The following GTF2F2 variants were observed in gnomAD, a reference collection of about 807,000 sequenced individuals.
The protein encoded by GTF2F2 is ATP-dependent helicase GTF2F2.
In GTF2F2, 23 loss-of-function variants were observed where a neutral mutation model predicts 42.2. The ratio of observed to expected loss-of-function variants is 0.55; its 90% CI spans 0.39 to 0.77. The LOEUF (loss-of-function observed/expected upper bound fraction) is 0.77. Ranked by LOEUF, GTF2F2 falls within the 30% of genes least tolerant of loss-of-function variation. The probability of loss-of-function intolerance (pLI) is 0.00; values close to 1 mark genes in which losing one functional copy is unlikely to be tolerated. For missense variants in GTF2F2, 261 were observed against 287.2 expected, an observed-to-expected ratio of 0.91 and a Z score of 0.66; for synonymous variants, 105 against 100.8, an observed-to-expected ratio of 1.04 and a Z score of -0.25.
intron 6 of GTF2F2, among the ~76,000 whole-genome samples, chr13:45,264,803 T>C (rs558076266): frequency 2.6e-5 from 4 of 152,316 alleles, no homozygotes; most frequent in African/African-American, 9.6e-5. Context: ...CCAACTAGAA[T>C]GTGCGCCCTC....
intron 5 of GTF2F2, among the ~76,000 whole-genome samples, chr13:45,228,256 A>G (rs965078869): frequency 9.4e-6 from 1 of 106,110 alleles, no homozygotes; most frequent in Non-Finnish European, 1.9e-5. Flanking sequence ...ATCCTGCCTC[A>G]TTTTCCTTAT....
chr13:45,215,886 A>T (rs761030425), intron 5 of GTF2F2, among the ~76,000 whole-genome samples: 12 of 152,164 alleles, frequency 7.9e-5, no homozygotes, highest in Non-Finnish European at 1.5e-4. Context: ...TGAGCTGTAG[A>T]CTGCCCCTGA....
intron 1 of GTF2F2, among the ~76,000 whole-genome samples, chr13:45,122,041 A>C (rs1295842924): frequency 6.6e-6 from 1 of 152,190 alleles, no homozygotes; most frequent in Non-Finnish European, 1.5e-5. Context: ...GACACAGTGT[A>C]TACCATGGGG....
At chr13:45,269,431 AG>A (rs959206481) in intron 7 of GTF2F2, among the ~76,000 whole-genome samples, 1 of 152,142 alleles carries the variant, frequency 6.6e-6, no homozygotes, top group African/African-American at 2.4e-5. Flanking sequence ...CCTAGAGGAG[AG>A]GGCAGGAAGT....
intron 6 of GTF2F2, 106 bp downstream of exon 6, chr13:45,253,076 C>G: frequency 3.8e-6 from 2 of 522,262 alleles, no homozygotes; most frequent in Non-Finnish European, 6.8e-6. Context: ...ACCTTGCCAT[C>G]AGGTGCTTGA....
At chr13:45,206,537 C>T (rs1379680292) in intron 4 of GTF2F2, 4 of 152,160 alleles carry the variant, frequency 2.6e-5, no homozygotes, top group African/African-American at 7.2e-5. Flanking sequence ...TGAGTCTTTT[C>T]TTAAAACCCA....
Position 45,173,612 on chromosome 13 carries a change from A to ATT in GTF2F2, c.304+21803_304+21804dup, listed in dbSNP as rs56033747. ...TGTTCTGCATTTTTATAACTTTGTC[A>ATT]TTTTTTTTTTTTTTTTTTTTTTTGA... is the stretch of plus-strand genomic sequence containing the variant. On this transcript the variant is annotated intron_variant, in intron 4 of 7. Coordinates refer to ENST00000340473, the MANE Select transcript of GTF2F2 (RefSeq NM_004128.3). Among the ~76,000 whole-genome samples the ATT allele has an allele frequency of 5.8e-3, 545 of 93,672 alleles. 2 individuals are homozygous for ATT. Among genetic ancestry groups the ATT allele is most frequent in the Non-Finnish European group, 8.5e-3 (428 of 50,098 alleles). 61.5% of individuals were successfully genotyped at this position (93,672 alleles called of 152,430 possible).
chr13:45,183,808 A>G (rs1482415321), intron 4 of GTF2F2, among the ~76,000 whole-genome samples: 1 of 151,942 alleles, frequency 6.6e-6, no homozygotes, highest in Non-Finnish European at 1.5e-5. Flanking sequence ...CATTTTTATG[A>G]TCTCCTGTGT....
chr13:45,144,064 C>T (rs1440334526), intron 2 of GTF2F2, among the ~76,000 whole-genome samples: 1 of 151,904 alleles, frequency 6.6e-6, no homozygotes, highest in African/African-American at 2.4e-5. Flanking sequence ...CCAGCCTGGC[C>T]AACGTGGTGA....
chr13:45,171,876 T>C (rs1197237826), intron 4 of GTF2F2, among the ~76,000 whole-genome samples: 1 of 152,090 alleles, frequency 6.6e-6, no homozygotes, highest in Non-Finnish European at 1.5e-5. Flanking sequence ...CTTTTTTTTT[T>C]TTTTTACTTA....
At chr13:45,261,746 G>A (rs1311461003) in intron 6 of GTF2F2, among the ~76,000 whole-genome samples, 1 of 152,070 alleles carries the variant, frequency 6.6e-6, no homozygotes, top group South Asian at 2.1e-4. Flanking sequence ...CAAAAGGCAA[G>A]GAGCTAAAAA....
intron 7 of GTF2F2, among the ~76,000 whole-genome samples, chr13:45,270,714 C>T (rs1876753806): frequency 6.6e-6 from 1 of 152,132 alleles, no homozygotes; most frequent in Non-Finnish European, 1.5e-5. Context: ...TTTCCCCCCT[C>T]AAAAATAGAA....
intron 4 of GTF2F2, among the ~76,000 whole-genome samples, chr13:45,155,397 T>G (rs188370520): frequency 6.6e-6 from 1 of 152,324 alleles, no homozygotes; most frequent in Admixed American, 6.5e-5. Flanking sequence ...AATGTAGAGT[T>G]TGTAAGGAAA....
chr13:45,216,397 C>T (rs1383284933), intron 5 of GTF2F2, among the ~76,000 whole-genome samples: 3 of 152,036 alleles, frequency 2.0e-5, no homozygotes, highest in Non-Finnish European at 4.4e-5. Context: ...TTGGAATTCC[C>T]CATCTCTTCT....
At chr13:45,248,194 A>G (rs925619758) in intron 5 of GTF2F2, among the ~76,000 whole-genome samples, 1 of 152,142 alleles carries the variant, frequency 6.6e-6, no homozygotes, top group African/African-American at 2.4e-5. Context: ...ATACTAGTTC[A>G]AGCTTGACTA....
At chr13:45,166,988 C>G (rs1302523623) in intron 4 of GTF2F2, among the ~76,000 whole-genome samples, 1 of 152,044 alleles carries the variant, frequency 6.6e-6, no homozygotes, top group Non-Finnish European at 1.5e-5. Context: ...CTTATATGTT[C>G]CTACCAGCCG....
chr13:45,194,597 T>C (rs1371479834), intron 4 of GTF2F2: 2 of 1,580,546 alleles, frequency 1.3e-6, no homozygotes, highest in Non-Finnish European at 1.7e-6. Context: ...AGCTTGTTCT[T>C]CTTGGCTTTG....
chr13:45,213,892 T>C (rs1217299408), intron 5 of GTF2F2, among the ~76,000 whole-genome samples: 1 of 152,182 alleles, frequency 6.6e-6, no homozygotes, highest in Non-Finnish European at 1.5e-5. Flanking sequence ...AAGGAGAAAG[T>C]GATTTCAAAA....
At chr13:45,245,670 T>C (rs1314096570) in intron 5 of GTF2F2, among the ~76,000 whole-genome samples, 1 of 31,894 alleles carries the variant, frequency 3.1e-5, no homozygotes, top group Non-Finnish European at 5.1e-5. Flanking sequence ...GGTGTGAATA[T>C]ATATATATAT....
Sources: allele counts gnomAD v4.1 joint callset (sites outside exome capture counted in the v4.1 genomes callset), GRCh38; gene constraint gnomAD v4.1.1; transcripts MANE v1.5; gene names NCBI Gene and HGNC (gene_info 2026-07-23, HGNC 2026-07-21).